MIB1: variants seen among roughly 807,000 people sequenced by gnomAD.
MIB1 encodes MIB E3 ubiquitin protein ligase 1, also known as E3 ubiquitin-protein ligase MIB1.
MIB1 carries 278 observed loss-of-function variants against 124.5 expected under a neutral mutation model. The observed-to-expected ratio is 2.23, with a 90% CI of 2.02 to 2.47. The LOEUF (loss-of-function observed/expected upper bound fraction) is 2.47. MIB1 is among the 30% of genes most tolerant of loss of function. The pLI, the probability that MIB1 is intolerant of heterozygous loss-of-function variation, is 0.00. For missense variants in MIB1, 957 were observed against 1,254.4 expected, an observed-to-expected ratio of 0.76 and a Z score of 3.58; for synonymous variants, 446 against 429.4, an observed-to-expected ratio of 1.04 and a Z score of -0.48.
chr18:21,718,313 AC>A (rs2146356494), intron 1 of MIB1, among the ~76,000 whole-genome samples: 1 of 152,328 alleles, frequency 6.6e-6, no homozygotes, highest in African/African-American at 2.4e-5. Flanking sequence ...TGATGGGTGC[AC>A]CAAAAATTTC....
intron 9 of MIB1, 40 bp downstream of exon 9, chr18:21,800,014 A>G (rs1296068511): frequency 4.5e-6 from 7 of 1,555,946 alleles, no homozygotes; most frequent in Non-Finnish European, 6.2e-6. Flanking sequence ...TACAAAAAGT[A>G]GAATAGTATA....
chr18:21,803,203 T>C (rs1254298119), intron 9 of MIB1, among the ~76,000 whole-genome samples: 1 of 152,226 alleles, frequency 6.6e-6, no homozygotes, highest in Non-Finnish European at 1.5e-5. Context: ...TTTATTGTCA[T>C]TTTAGTGTGG....
rs2042342569 is a variant in MIB1 at position 21,869,671 on chromosome 18, GTTA to G, written c.*5010_*5012del. 1 of 152,330 alleles carries G rather than the reference GTTA, an allele frequency of 6.6e-6. No individual in the cohort carries two copies. The highest frequency in any genetic ancestry group is 2.4e-5 in the African/African-American group (1 of 41,404). The allele number at this position is 152,330 out of a possible 1,614,324, so 9.4% of individuals were successfully genotyped here. A position where few individuals can be genotyped will look rare whatever the true frequency, so the allele number is the denominator to read the frequency against. On this transcript the variant is annotated 3_prime_UTR_variant, in exon 21 of 21. Coordinates refer to ENST00000261537, the MANE Select transcript of MIB1 (RefSeq NM_020774.4). ...TTACCAGAAAAGTAATTCTAATTAA[GTTA>G]TTATGCAAAGTCATCTATAAGTAGC...
intron 1 of MIB1, among the ~76,000 whole-genome samples, chr18:21,717,691 A>G (rs1219500371): frequency 6.6e-6 from 1 of 152,200 alleles, no homozygotes; most frequent in Non-Finnish European, 1.5e-5. Flanking sequence ...CAAAAACACA[A>G]TGCGATGCCA....
intron 14 of MIB1, 83 bp downstream of exon 14, chr18:21,843,300 C>G: frequency 1.2e-6 from 1 of 868,688 alleles, no homozygotes; most frequent in Admixed American, 2.9e-5. Context: ...TGAAATGATA[C>G]AGTGTTACAT....
At chr18:21,773,854 C>T in intron 4 of MIB1, 126 bp downstream of exon 4, 1 of 567,906 alleles carries the variant, frequency 1.8e-6, no homozygotes, top group East Asian at 3.2e-5. Flanking sequence ...TACTATGTTT[C>T]TCTAAACTAT....
At chr18:21,726,049 C>G (rs772858109) in intron 1 of MIB1, among the ~76,000 whole-genome samples, 1 of 152,056 alleles carries the variant, frequency 6.6e-6, no homozygotes, top group South Asian at 2.1e-4. Context: ...GTGCTAAAAT[C>G]AGTTTTGAAG....
chr18:21,785,905 TC>T (rs1379851003), intron 6 of MIB1, among the ~76,000 whole-genome samples: 1 of 152,206 alleles, frequency 6.6e-6, no homozygotes, highest in Non-Finnish European at 1.5e-5. Context: ...CCAGTTTTTT[TC>T]TTTTAGCATT....
upstream of MIB1, among the ~76,000 whole-genome samples, chr18:21,736,430 A>T (rs2040797333): frequency 6.6e-6 from 1 of 152,250 alleles, no homozygotes; most frequent in African/African-American, 2.4e-5. Context: ...AAAAGGCTGA[A>T]AATTCCAAAA....
At chr18:21,802,846 A>G (rs2041664577) in intron 9 of MIB1, among the ~76,000 whole-genome samples, 1 of 152,184 alleles carries the variant, frequency 6.6e-6, no homozygotes, top group African/African-American at 2.4e-5. Context: ...GGATCTCTAA[A>G]TACCATCCTA....
chr18:21,778,920 A>G (rs191141025), intron 5 of MIB1, among the ~76,000 whole-genome samples: 25 of 152,258 alleles, frequency 1.6e-4, no homozygotes, highest in African/African-American at 5.3e-4. Context: ...CAAAATCAAC[A>G]TGCATATTTT....
chr18:21,756,277 A>T (rs2041030007), intron 1 of MIB1, among the ~76,000 whole-genome samples: 1 of 152,276 alleles, frequency 6.6e-6, no homozygotes, highest in East Asian at 1.9e-4. Flanking sequence ...AAGACTCCAC[A>T]AGTAATAAGT....
upstream of MIB1, among the ~76,000 whole-genome samples, chr18:21,739,138 A>G (rs143342195): frequency 1.7e-4 from 26 of 152,266 alleles, no homozygotes; most frequent in African/African-American, 6.0e-4. Context: ...ACAAACTACC[A>G]TCAGAGAATA....
intron 15 of MIB1, among the ~76,000 whole-genome samples, chr18:21,845,900 G>A (rs2042130566): frequency 6.6e-6 from 1 of 152,174 alleles, no homozygotes; most frequent in South Asian, 2.1e-4. Context: ...TGGGATTACA[G>A]GCATGAGCCA....
At chr18:21,770,563 T>A (rs1033835414) in intron 3 of MIB1, among the ~76,000 whole-genome samples, 1 of 152,118 alleles carries the variant, frequency 6.6e-6, no homozygotes, top group Admixed American at 6.6e-5. Flanking sequence ...CAAGCGATCC[T>A]CCTGCCTCCA....
At chr18:21,765,703 C>T in intron 1 of MIB1, 69 bp from the exon 2 acceptor site, 3 of 1,442,044 alleles carry the variant, frequency 2.1e-6, no homozygotes, top group Non-Finnish European at 2.8e-6. Context: ...TTATTTTTTT[C>T]CCCCAAGGAA....
At chr18:21,803,699 A>G in intron 9 of MIB1, 1 of 416,806 alleles carries the variant, frequency 2.4e-6, no homozygotes, top group Non-Finnish European at 4.3e-6. Flanking sequence ...TCTTTGGACA[A>G]TGAAACTTTT....
intron 6 of MIB1, 126 bp downstream of exon 6, chr18:21,779,811 A>C: frequency 6.9e-6 from 5 of 720,912 alleles, no homozygotes; most frequent in Non-Finnish European, 1.2e-5. Context: ...GGTAAGTAAA[A>C]ATCCAGAATA....
chr18:21,795,338 TATA>T (rs967674274), intron 7 of MIB1, among the ~76,000 whole-genome samples: 1 of 136,530 alleles, frequency 7.3e-6, no homozygotes, highest in African/African-American at 2.9e-5. Flanking sequence ...AAATATATAA[TATA>T]TATAATATAT....
Sources: allele counts gnomAD v4.1 joint callset (sites outside exome capture counted in the v4.1 genomes callset), GRCh38; gene constraint gnomAD v4.1.1; transcripts MANE v1.5; gene names NCBI Gene and HGNC (gene_info 2026-07-23, HGNC 2026-07-21).